PTPRA: variants seen among roughly 807,000 people sequenced by gnomAD.
PTPRA encodes the protein protein tyrosine phosphatase receptor type A, also known as receptor-type tyrosine-protein phosphatase alpha.
A neutral mutation model predicts 104.8 loss-of-function variants in PTPRA; 25 were observed. The ratio of observed to expected loss-of-function variants is 0.24; its 90% confidence interval spans 0.17 to 0.33. The LOEUF (loss-of-function observed/expected upper bound fraction) is 0.33, where lower values mean the gene tolerates loss of function less well. Among genes scored for constraint, PTPRA ranks in the 10% least tolerant of loss-of-function variants. The pLI, the probability that PTPRA is intolerant of heterozygous loss-of-function variation, is 1.00. For synonymous variants in PTPRA, 323 were observed against 368.9 expected (o/e 0.88, Z 1.43); for missense variants, 765 against 1,015.3 (o/e 0.75, Z 3.35).
chr20:2,984,452 G>A lies in PTPRA; in HGVS notation c.443-2313G>A, dbSNP rs532280809. ...CACTTCTCTGTCTCATCCTTCTTAA[G>A]TCTGTAGGCAGTATTTGATTGAATT... is the stretch of plus-strand genomic sequence containing the variant. On this transcript the variant is annotated intron_variant, in intron 6 of 23. Coordinates refer to ENST00000399903, the MANE Select transcript of PTPRA (RefSeq NM_001385305.1). Among the ~76,000 whole-genome samples, 4 of 152,274 alleles carry A rather than the reference G, an allele frequency of 2.6e-5. No homozygotes were observed. In the South Asian group the frequency reaches 8.3e-4, roughly 32 times the overall value.
intron 13 of PTPRA, among the ~76,000 whole-genome samples, chr20:3,019,003 G>C (rs1185301454): frequency 7.3e-6 from 1 of 137,004 alleles, no homozygotes. Flanking sequence ...CCTCCCTCCC[G>C]GACAGGGCAG....
At chr20:2,996,160 A>T (rs933063814) in intron 9 of PTPRA, among the ~76,000 whole-genome samples, 4 of 152,356 alleles carry the variant, frequency 2.6e-5, no homozygotes, top group Non-Finnish European at 4.4e-5. Flanking sequence ...TTAAGCAAAA[A>T]CAAACAGAAC....
At chr20:2,914,009 C>A (rs1049372164) in intron 1 of PTPRA, among the ~76,000 whole-genome samples, 1 of 152,100 alleles carries the variant, frequency 6.6e-6, no homozygotes, top group Admixed American at 6.6e-5. Flanking sequence ...GTTTTCTTCC[C>A]ATTTATTTAA....
intron 11 of PTPRA, among the ~76,000 whole-genome samples, chr20:3,013,592 G>A (rs2064287826): frequency 6.6e-6 from 1 of 151,930 alleles, no homozygotes; most frequent in Non-Finnish European, 1.5e-5. Flanking sequence ...TGTATTTTTA[G>A]TAGAGATGGG....
chr20:2,977,146 T>C (rs970449554), intron 6 of PTPRA, among the ~76,000 whole-genome samples: 1 of 151,600 alleles, frequency 6.6e-6, no homozygotes, highest in Non-Finnish European at 1.5e-5. Flanking sequence ...CGTGGTGGTG[T>C]GCGCCTGTAA....
At chr20:2,909,441 G>C (rs186985077) in intron 1 of PTPRA, among the ~76,000 whole-genome samples, 1 of 152,060 alleles carries the variant, frequency 6.6e-6, no homozygotes, top group South Asian at 2.1e-4. Flanking sequence ...AAATTAGTTG[G>C]TGTGGTGGCT....
chr20:2,872,317 G>A (rs1384742175), upstream of PTPRA, among the ~76,000 whole-genome samples: 1 of 152,206 alleles, frequency 6.6e-6, no homozygotes, highest in African/African-American at 2.4e-5. This position sits in a 1 kb window ranked among gnomAD's most constrained non-coding sequence, Gnocchi z 7.9. Flanking sequence ...GGGGCGCCCC[G>A]AATGTGGGAC....
At position 3,013,633 on chromosome 20, in the gene PTPRA, A is replaced by G. The variant is rs190082935; in HGVS notation, c.907-2216A>G. Among the ~76,000 whole-genome samples the G allele has an allele frequency of 3.1e-3, 475 of 151,464 alleles. 1 individual carries two copies. Among genetic ancestry groups the G allele is most frequent in the Middle Eastern group, 0.017 (5 of 292 alleles). ...TCCATGTTGGTCATGCTGGCCTCAA[A>G]CTCCCTACCTCAGGTGATCTGCCCA... On this transcript the variant is annotated intron_variant, in intron 11 of 23. Transcript: ENST00000399903.
chr20:2,866,394 G>A, the PTPRA span: 4 of 1,614,082 alleles, frequency 2.5e-6, no homozygotes, highest in Non-Finnish European at 2.5e-6. Flanking sequence ...CCCTTGAGCA[G>A]CCCCAACACC....
At chr20:2,865,795 G>C in the PTPRA span, 1 of 487,606 alleles carries the variant, frequency 2.1e-6, no homozygotes, top group Non-Finnish European at 3.7e-6. This position sits in a 1 kb window ranked among gnomAD's most constrained non-coding sequence, Gnocchi z 5.2. Context: ...GGAGGGTGGA[G>C]GGGGCACAGG....
intron 1 of PTPRA, among the ~76,000 whole-genome samples, chr20:2,911,580 G>A (rs1404333365): frequency 6.6e-6 from 1 of 152,178 alleles, no homozygotes; most frequent in African/African-American, 2.4e-5. Context: ...TGTGGAAAAG[G>A]AATAATGTGT....
At chr20:2,943,275 A>G (rs1025938673) in intron 2 of PTPRA, among the ~76,000 whole-genome samples, 48 of 147,240 alleles carry the variant, frequency 3.3e-4, no homozygotes, top group African/African-American at 1.2e-3. Context: ...ATTATATTAA[A>G]TATTAGTCAT....
At chr20:2,881,865 G>A (rs1397134699) in intron 1 of PTPRA, among the ~76,000 whole-genome samples, 1 of 152,122 alleles carries the variant, frequency 6.6e-6, no homozygotes, top group Non-Finnish European at 1.5e-5. Flanking sequence ...GCCAGGTATG[G>A]TGGGCACACC....
chr20:3,005,130 T>C lies in PTPRA; in HGVS notation c.813T>C (p.Tyr271=), dbSNP rs764710268. The change falls in exon 10 of 24, where the codon TAT becomes TAC. Residue 271 remains tyrosine (Y), a synonymous_variant. Transcript: ENST00000399903. The stretch of plus-strand genomic sequence containing the variant: ...AGGAAAACAAGGAAAAAAATCGATA[T>C]GTAAACATCTTGCCTTGTGAGTGTC... ...SKEENKEKNR[Y]VNILPYDHSR... The C allele has an allele frequency of 9.4e-6, 15 of 1,602,136 alleles. No individual in the cohort carries two copies. The highest frequency in any genetic ancestry group is 6.7e-5 in the African/African-American group (5 of 74,622).
intron 1 of PTPRA, among the ~76,000 whole-genome samples, chr20:2,909,981 CATATATCAT>C (rs1440196365): frequency 7.0e-5 from 7 of 99,364 alleles, no homozygotes; most frequent in Admixed American, 1.4e-4. Flanking sequence ...TATAATCTAT[CATATATCAT>C]ATATATAATC....
intron 1 of PTPRA, among the ~76,000 whole-genome samples, chr20:2,885,081 A>C (rs541026272): frequency 4.0e-4 from 61 of 152,288 alleles, no homozygotes; most frequent in Middle Eastern, 3.4e-3. Flanking sequence ...GATTACAGGC[A>C]CAAGCCACTG....
intron 3 of PTPRA, among the ~76,000 whole-genome samples, chr20:2,962,169 G>T (rs949266638): frequency 1.3e-5 from 2 of 152,066 alleles, no homozygotes; most frequent in Non-Finnish European, 2.9e-5. Context: ...GAATCTATAG[G>T]CTTATTTGGG....
At chr20:2,979,128 G>T (rs986748646) in intron 6 of PTPRA, among the ~76,000 whole-genome samples, 1 of 152,148 alleles carries the variant, frequency 6.6e-6, no homozygotes, top group Non-Finnish European at 1.5e-5. Context: ...TTGAACTTCA[G>T]GTCTGTCAGA....
In PTPRA at chr20:3,024,616, T is replaced by A; in HGVS notation, c.1609T>A (p.Phe537Ile). 6.2e-7 allele frequency: 1 copy of A among 1,613,512 alleles called. No homozygotes were observed. The highest frequency in any genetic ancestry group is 8.5e-7 in the Non-Finnish European group (1 of 1,179,822). ...GTSNNGLEEE[F>I]KKLTSIKIQN... ...CAGCAACAATGGATTAGAGGAGGAG[T>A]TTAAGGTGAGTTGGAGCTGGATAAC... The change falls in exon 17 of 24, where the codon TTT becomes ATT. Residue 537 changes from phenylalanine to isoleucine, a missense_variant. Transcript: ENST00000399903.
Sources: allele counts gnomAD v4.1 joint callset (sites outside exome capture counted in the v4.1 genomes callset), GRCh38; gene constraint gnomAD v4.1.1; non-coding constraint Gnocchi (gnomAD v3.1); transcripts MANE v1.5; gene names NCBI Gene and HGNC (gene_info 2026-07-23, HGNC 2026-07-21).